The following TASP1 variants were observed in gnomAD, a reference collection of about 807,000 sequenced individuals.
TASP1 encodes taspase 1.
TASP1 carries 16 observed loss-of-function variants against 56.6 expected under a neutral mutation model. The observed-to-expected ratio is 0.28, with a 90% CI of 0.19 to 0.43. The LOEUF (loss-of-function observed/expected upper bound fraction) is 0.43, where lower values mean the gene tolerates loss of function less well. Ranked by LOEUF, TASP1 falls within the 20% of genes least tolerant of loss-of-function variation. The pLI is 1.00. For synonymous variants in TASP1, 179 were observed against 184.2 expected (o/e 0.97, Z 0.23); for missense variants, 393 against 511.6 (o/e 0.77, Z 2.24).
At chr20:13,288,457 T>G in the TASP1 span, 5 of 1,430,736 alleles carry the variant, frequency 3.5e-6, 1 homozygote, top group South Asian at 6.3e-5. Flanking sequence ...AGGATAGAAG[T>G]GAATAATTGA....
chr20:13,225,431 GTA>G, the TASP1 span, among the ~76,000 whole-genome samples: 1 of 152,030 alleles, frequency 6.6e-6, no homozygotes, highest in Non-Finnish European at 1.5e-5. Flanking sequence ...TGACATATAT[GTA>G]TATATACACA....
At position 13,465,487 on chromosome 20, in the gene TASP1, G is replaced by A. The variant is rs937644809; in HGVS notation, c.985+17740C>T. Among the ~76,000 whole-genome samples the A allele has an allele frequency of 1.3e-4, 19 of 151,792 alleles. No homozygotes were observed. In the South Asian group the frequency reaches 3.1e-3, roughly 25 times the overall value. ...ATTGTCAAGAAATGAAAACTCATGC[G>A]AACACAAAAATCTGTACACTAGCAC... On this transcript the variant is annotated intron_variant, in intron 11 of 13. Coordinates refer to ENST00000337743, the MANE Select transcript of TASP1 (RefSeq NM_017714.3).
At chr20:13,625,119 A>G (rs2048842373) in intron 3 of TASP1, 66 bp downstream of exon 3, 3 of 1,194,922 alleles carry the variant, frequency 2.5e-6, no homozygotes, top group Admixed American at 5.4e-5. Flanking sequence ...TAAATGTTGA[A>G]TTTCAAGGTA....
At chr20:13,231,737 C>T in the TASP1 span, among the ~76,000 whole-genome samples, 7 of 152,170 alleles carry the variant, frequency 4.6e-5, no homozygotes, top group Non-Finnish European at 1.0e-4. Context: ...CACCCACATT[C>T]CCCATGGAAG....
intron 4 of TASP1, chr20:13,616,879 G>A (rs2048542612): frequency 3.1e-6 from 1 of 322,844 alleles, no homozygotes; most frequent in African/African-American, 2.2e-5. Flanking sequence ...AGGCTAAATG[G>A]GCTCTGTCTG....
chr20:13,110,106 T>C, the TASP1 span: 7 of 1,597,236 alleles, frequency 4.4e-6, no homozygotes, highest in South Asian at 8.0e-5. Context: ...TTGGTATTAT[T>C]TAAAGACACA....
At chr20:13,454,857 A>C (rs889083126) in intron 11 of TASP1, among the ~76,000 whole-genome samples, 1 of 152,068 alleles carries the variant, frequency 6.6e-6, no homozygotes, top group Non-Finnish European at 1.5e-5. Context: ...CCAAATTGTT[A>C]ACCTTAGGAC....
At chr20:13,335,604 T>C in the TASP1 span, among the ~76,000 whole-genome samples, 1 of 151,552 alleles carries the variant, frequency 6.6e-6, no homozygotes, top group Admixed American at 6.6e-5. Flanking sequence ...ATGTAGGAAT[T>C]AATAAAAAAT....
At chr20:13,329,551 GTT>G in the TASP1 span, among the ~76,000 whole-genome samples, 161 of 151,700 alleles carry the variant, frequency 1.1e-3, 1 homozygote, top group Non-Finnish European at 2.0e-3. Flanking sequence ...ATATGCTTTT[GTT>G]TTTTTTCATT....
At chr20:13,379,208 G>A in the TASP1 span, among the ~76,000 whole-genome samples, 1 of 152,164 alleles carries the variant, frequency 6.6e-6, no homozygotes, top group Non-Finnish European at 1.5e-5. Flanking sequence ...TGCAGTGGCT[G>A]GTATTGGTTT....
intron 11 of TASP1, among the ~76,000 whole-genome samples, chr20:13,440,939 G>A (rs2043191753): frequency 6.6e-6 from 1 of 152,086 alleles, no homozygotes; most frequent in African/African-American, 2.4e-5. Flanking sequence ...AAATGCAACT[G>A]TGTGCTGGAA....
chr20:13,615,274 G>C (rs530912583), intron 4 of TASP1, among the ~76,000 whole-genome samples: 8 of 152,258 alleles, frequency 5.3e-5, no homozygotes, highest in Non-Finnish European at 8.8e-5. Flanking sequence ...TGAACTGTCA[G>C]GAAATGTGTA....
At chr20:13,254,422 C>G in the TASP1 span, among the ~76,000 whole-genome samples, 2,295 of 152,122 alleles carry the variant, frequency 0.015, 61 homozygotes, top group African/African-American at 0.052. Context: ...AGAAAATGTT[C>G]AGAATCAGAA....
At chr20:13,440,398 T>C (rs2103987) in intron 11 of TASP1, among the ~76,000 whole-genome samples, 7,530 of 152,102 alleles carry the variant, frequency 0.05, 326 homozygotes, top group Admixed American at 0.13. Flanking sequence ...CAGCTATGCA[T>C]CAAGCTGAGA....
the TASP1 span, among the ~76,000 whole-genome samples, chr20:13,227,551 C>T: frequency 6.9e-6 from 1 of 144,900 alleles, no homozygotes; most frequent in African/African-American, 2.6e-5. Context: ...CTCTGTCACC[C>T]AGGCTGGAGT....
chr20:13,580,855 T>C lies in TASP1; in HGVS notation c.488+42A>G, dbSNP rs6033761. ...AGCATCAGCCTTCTGTGGATAAAAA[T>C]GCACTAAAGACAGGGAAAGTCAGGA... is the stretch of plus-strand genomic sequence containing the variant. On this transcript the variant is annotated intron_variant, in intron 6 of 13. Transcript: ENST00000337743. The C allele has an allele frequency of 2.6e-4, 416 of 1,599,266 alleles. 1 individual carries two copies. The African/African-American group carries it at 4.5e-3, about 17-fold the overall frequency.
At chr20:13,535,991 T>A (rs1215158582) in intron 8 of TASP1, among the ~76,000 whole-genome samples, 1 of 152,224 alleles carries the variant, frequency 6.6e-6, no homozygotes, top group African/African-American at 2.4e-5. Context: ...TGGATAATCT[T>A]AAAGAGAAAT....
intron 11 of TASP1, among the ~76,000 whole-genome samples, chr20:13,441,904 A>G (rs2043224766): frequency 1.3e-5 from 2 of 152,332 alleles, no homozygotes; most frequent in South Asian, 4.1e-4. Context: ...TACTGTAAAA[A>G]GAGATATGCA....
At chr20:13,638,294 G>C (rs2049383785) in intron 1 of TASP1, among the ~76,000 whole-genome samples, 1 of 151,990 alleles carries the variant, frequency 6.6e-6, no homozygotes, top group Admixed American at 6.6e-5. Context: ...CAGAAGCCAG[G>C]AAAGTTGAAC....
Sources: allele counts gnomAD v4.1 joint callset (sites outside exome capture counted in the v4.1 genomes callset), GRCh38; gene constraint gnomAD v4.1.1; transcripts MANE v1.5; gene names NCBI Gene and HGNC (gene_info 2026-07-23, HGNC 2026-07-21).